Variants in MMP8 observed in about 807,000 individuals in gnomAD.
MMP8 encodes the protein neutrophil collagenase.
MMP8 carries 67 observed loss-of-function variants against 51.2 expected under a neutral mutation model. That is an observed-to-expected ratio of 1.31 (90% confidence interval 1.08 to 1.60). The LOEUF is 1.60. MMP8 is among the 40% of genes most tolerant of loss of function. MMP8 has a pLI of 0.00. For synonymous variants in MMP8, 225 were observed against 191.0 expected (o/e 1.18, Z -1.47); for missense variants, 654 against 558.1 (o/e 1.17, Z -1.73).
chr11:102,721,035 A>G (rs564331190), intron 4 of MMP8, among the ~76,000 whole-genome samples: 1 of 152,266 alleles, frequency 6.6e-6, no homozygotes, highest in East Asian at 1.9e-4. Context: ...TGTTGCAATT[A>G]CTCAGCTTGC....
chr11:102,714,388 T>A (rs185625407), intron 8 of MMP8, among the ~76,000 whole-genome samples, 168 bp downstream of exon 8: 1 of 152,222 alleles, frequency 6.6e-6, no homozygotes, highest in Non-Finnish European at 1.5e-5. Flanking sequence ...AAATGAAAAA[T>A]TTCAAAAGCC....
In MMP8 at chr11:102,724,812, A is replaced by G; in HGVS notation, c.44T>C (p.Val15Ala). 1.2e-6 allele frequency: 2 copies of G among 1,609,874 alleles called. No individual in the cohort carries two copies. The highest frequency in any genetic ancestry group is 1.7e-6 in the Non-Finnish European group (2 of 1,177,484). The change falls in exon 1 of 10, where the codon GTG becomes GCG. Residue 15 changes from valine (V) to alanine (A), a missense_variant. By Grantham distance (64) the Val-to-Ala change is moderately conservative. Coordinates refer to ENST00000236826, the MANE Select transcript of MMP8 (RefSeq NM_002424.3). ...KTLPFLLLLH[V>A]QISKAFPVSS... is the part of the protein sequence containing the mutation. ...TACAGGAAAGGCCTTGGAAATCTGC[A>G]CATGGAGTAAGAGCAGAAATGGAAG... is the stretch of plus-strand genomic sequence containing the variant.
chr11:102,713,547 A>G, intron 9 of MMP8, 90 bp from the exon 10 acceptor site: 3 of 1,167,776 alleles, frequency 2.6e-6, no homozygotes, highest in Non-Finnish European at 2.5e-6. Context: ...TTCCAACATA[A>G]CATTCAAATG....
chr11:102,720,817 A>G (rs752754296), intron 4 of MMP8, among the ~76,000 whole-genome samples: 61 of 152,262 alleles, frequency 4.0e-4, no homozygotes, highest in South Asian at 8.3e-4. Flanking sequence ...TAGAAATTAT[A>G]ATTTCTAAAT....
At chr11:102,713,506 A>C in intron 9 of MMP8, 49 bp from the exon 10 acceptor site, 1 of 1,431,426 alleles carries the variant, frequency 7.0e-7, no homozygotes, top group Non-Finnish European at 9.8e-7. Context: ...AGAATATCTC[A>C]GATGTCTTCA....
intron 6 of MMP8, 84 bp from the exon 7 acceptor site, chr11:102,715,521 G>T: frequency 6.7e-7 from 1 of 1,495,566 alleles, no homozygotes; most frequent in Non-Finnish European, 9.0e-7. Context: ...GGCTAGTGAT[G>T]GTCCTTGTAG....
At chr11:102,717,672 T>C (rs1179579383) in intron 5 of MMP8, among the ~76,000 whole-genome samples, 1 of 152,180 alleles carries the variant, frequency 6.6e-6, no homozygotes, top group African/African-American at 2.4e-5. Context: ...CCAACTTCCA[T>C]TACCACAAAC....
Position 102,721,387 on chromosome 11 carries a change from C to T in MMP8, c.622+14G>A, listed in dbSNP as rs1476738798. ...TTCAGAAGCTGTGTGTGGACATAAT[C>T]TTGATTAACTTACTTGCGGAGGTGT... On this transcript the variant is annotated intron_variant, in intron 4 of 9. Transcript: ENST00000236826. The T allele has an allele frequency of 1.2e-6, 2 of 1,612,974 alleles. No individual in the cohort carries two copies. The highest frequency in any genetic ancestry group is 4.5e-5 in the East Asian group (2 of 44,858).
intron 4 of MMP8, 76 bp downstream of exon 4, chr11:102,721,325 T>TGTGC (rs1861462852): frequency 6.5e-7 from 1 of 1,539,318 alleles, no homozygotes; most frequent in African/African-American, 1.4e-5. Flanking sequence ...TTATTGTGTG[T>TGTGC]GTGTGTGTGT....
intron 9 of MMP8, 97 bp from the exon 10 acceptor site, chr11:102,713,554 A>G (rs1861188983): frequency 1.8e-6 from 2 of 1,128,610 alleles, no homozygotes. Flanking sequence ...ATAACATTCA[A>G]ATGCAAACAT....
intron 6 of MMP8, among the ~76,000 whole-genome samples, chr11:102,715,777 C>T (rs1861273793): frequency 6.6e-6 from 1 of 152,170 alleles, no homozygotes; most frequent in South Asian, 2.1e-4. Flanking sequence ...ATAAAAGCAA[C>T]AGCATGTACC....
chr11:102,721,912 C>G, intron 2 of MMP8, 150 bp from the exon 3 acceptor site: 2 of 847,072 alleles, frequency 2.4e-6, no homozygotes, highest in East Asian at 2.7e-5. Flanking sequence ...GGGTGGAGGA[C>G]AGATGTGGGT....
chr11:102,713,345 G>C lies in MMP8; in HGVS notation c.*3C>G. The stretch of plus-strand genomic sequence containing the variant: ...AGTGGATACAGCCACATTTGATTTT[G>C]CTTCAGCCATATCTACAGTTAAGCC... On this transcript the variant is annotated 3_prime_UTR_variant, in exon 10 of 10. Transcript: ENST00000236826. The C allele has an allele frequency of 6.2e-7, 1 of 1,600,608 alleles. No individual in the cohort carries two copies. The highest frequency in any genetic ancestry group is 8.6e-7 in the Non-Finnish European group (1 of 1,168,406).
intron 4 of MMP8, 88 bp downstream of exon 4, chr11:102,721,313 C>G (rs1861461070): frequency 7.9e-7 from 1 of 1,261,272 alleles, no homozygotes; most frequent in Non-Finnish European, 1.0e-6. Context: ...ATTATGTTAC[C>G]TTTATTGTGT....
In MMP8 at chr11:102,722,659, CT is replaced by C; in HGVS notation, c.116del (p.Lys39SerfsTer20). 1 of 1,613,746 alleles carries C rather than the reference CT, an allele frequency of 6.2e-7. No homozygotes were observed. The highest frequency in any genetic ancestry group is 8.5e-7 in the Non-Finnish European group (1 of 1,179,722). On this transcript the variant is annotated frameshift_variant, in exon 2 of 10. Coordinates refer to ENST00000236826, the MANE Select transcript of MMP8 (RefSeq NM_002424.3). LOFTEE classifies it high-confidence loss of function. ...ACTGGTTGCTTGGTAATTGGTAGAA[CT>C]TTTCCAGGTAGTCCTGGACAAAGAC... is the stretch of plus-strand genomic sequence containing the variant. Reference protein sequence around the residue: ...NTKTVQDYLEKFYQLPSNQYQ... With the variant: ...NTKTVQDYLEXFYQLPSNQYQ...
rs371988870 is a variant in MMP8 at position 102,716,415 on chromosome 11, A to C, written c.789T>G (p.Leu263=). ...CAGTAGGTTGGATAGGGTTGCTTGA[A>C]AGTCCTGGAAAAAAAAAAAAAAAAA... ...DIDGIQAIYG[L]SSNPIQPTGP... The change falls in exon 6 of 10, where the codon CTT becomes CTG. Residue 263 remains leucine, a synonymous_variant. Transcript: ENST00000236826. 1.9e-4 allele frequency: 241 copies of C among 1,289,316 alleles called. No homozygotes were observed. Among genetic ancestry groups the C allele is most frequent in the Non-Finnish European group, 2.5e-4 (236 of 945,896 alleles). 79.9% of individuals were successfully genotyped at this position (1,289,316 alleles called of 1,614,324 possible). A position where few individuals can be genotyped will look rare whatever the true frequency, so the allele number is the denominator to read the frequency against.
At chr11:102,714,095 C>T (rs534496075) in intron 8 of MMP8, among the ~76,000 whole-genome samples, 55 of 152,196 alleles carry the variant, frequency 3.6e-4, no homozygotes, top group Non-Finnish European at 7.2e-4. Context: ...ACTGTTATTA[C>T]CCAAAGTAAG....
In MMP8 at chr11:102,713,133, T is replaced by A; in HGVS notation, c.*215A>T. 5 of 424,994 alleles carry A rather than the reference T, an allele frequency of 1.2e-5. No homozygotes were observed. The highest frequency in any genetic ancestry group is 2.1e-5 in the Non-Finnish European group (5 of 237,944). The allele number at this position is 424,994 out of a possible 1,614,324, so 26.3% of individuals were successfully genotyped here. A position where few individuals can be genotyped will look rare whatever the true frequency, so the allele number is the denominator to read the frequency against. On this transcript the variant is annotated 3_prime_UTR_variant, in exon 10 of 10. Transcript: ENST00000236826. ...CTTTCCTTCTCTTTGATGGAATCAC[T>A]AATGTAAGATGGAATGTGTAAGAAC... is the stretch of plus-strand genomic sequence containing the variant.
At position 102,723,148 on chromosome 11, in the gene MMP8, T is replaced by A; in HGVS notation, c.103-475A>T. On this transcript the variant is annotated intron_variant, in intron 1 of 9. Coordinates refer to ENST00000236826, the MANE Select transcript of MMP8 (RefSeq NM_002424.3). ...TGATGATTCAGATTTTAACTCACCA[T>A]GTTGCCTCTCAAATGAGAACTGATA... is the stretch of plus-strand genomic sequence containing the variant. 3.8e-6 allele frequency: 3 copies of A among 794,866 alleles called. No homozygotes were observed. The Admixed American group carries it at 7.1e-5, about 19-fold the overall frequency. 49.2% of individuals were successfully genotyped at this position (794,866 alleles called of 1,614,324 possible).
Sources: gnomAD v4.1 joint callset for allele counts (sites outside exome capture counted in the v4.1 genomes callset) on GRCh38, gnomAD v4.1.1 for gene constraint, MANE v1.5 for transcripts, NCBI Gene and HGNC (gene_info 2026-07-23, HGNC 2026-07-21) for gene names.